BRWD1: variants seen among roughly 807,000 people sequenced by gnomAD.
BRWD1 encodes bromodomain and WD repeat domain containing 1, also known as bromodomain and WD repeat-containing protein 1.
BRWD1 carries 82 observed loss-of-function variants against 251.2 expected under a neutral mutation model. The observed-to-expected ratio is 0.33, with a 90% CI of 0.27 to 0.39. BRWD1 has a LOEUF of 0.39. Among genes scored for constraint, BRWD1 ranks in the 10% least tolerant of loss-of-function variants. The pLI, the probability that BRWD1 is intolerant of heterozygous loss-of-function variation, is 1.00. For synonymous variants in BRWD1, 918 were observed against 902.8 expected (o/e 1.02, Z -0.30); for missense variants, 2,233 against 2,711.6 (o/e 0.82, Z 3.92).
chr21:39,193,491 T>C lies in BRWD1; in HGVS notation c.*2768A>G. 1.0e-6 allele frequency: 1 copy of C among 985,304 alleles called. No individual in the cohort carries two copies. Among genetic ancestry groups the C allele is most frequent in the Non-Finnish European group, 1.2e-6 (1 of 829,698 alleles). 61.0% of individuals were successfully genotyped at this position (985,304 alleles called of 1,614,324 possible). A position where few individuals can be genotyped will look rare whatever the true frequency, so the allele number is the denominator to read the frequency against. On this transcript the variant is annotated 3_prime_UTR_variant, in exon 41 of 41. Coordinates refer to ENST00000342449, the MANE Select transcript of BRWD1 (RefSeq NM_033656.4). ...TGTTTGAAATCATTTTTCCTTTATA[T>C]GCTTGGTAAAGTGAGTCTTTCCAAG...
At chr21:39,251,982 T>C (rs1243060539) in intron 19 of BRWD1, among the ~76,000 whole-genome samples, 2 of 152,110 alleles carry the variant, frequency 1.3e-5, no homozygotes, top group African/African-American at 4.8e-5. Context: ...AGAATTTTTA[T>C]ACGGCCGGGC....
At chr21:39,247,667 ATTATC>A (rs749387330) in intron 21 of BRWD1, 29 bp downstream of exon 21, 40 of 1,569,472 alleles carry the variant, frequency 2.5e-5, no homozygotes, top group South Asian at 3.6e-5. Context: ...TTCATTTAAG[ATTATC>A]TTATAACATT....
intron 4 of BRWD1, among the ~76,000 whole-genome samples, chr21:39,311,325 A>G (rs1325833143): frequency 6.6e-6 from 1 of 151,900 alleles, no homozygotes; most frequent in Non-Finnish European, 1.5e-5. Flanking sequence ...GCACCACCAC[A>G]GCCGCCTAAT....
At chr21:39,296,898 T>G (rs753146258) in intron 5 of BRWD1, 189 of 984,010 alleles carry the variant, frequency 1.9e-4, no homozygotes, top group Non-Finnish European at 2.2e-4. Flanking sequence ...AAAAGTTCTT[T>G]GATTTATATG....
At chr21:39,232,910 A>G (rs1008185289) in intron 23 of BRWD1, among the ~76,000 whole-genome samples, 1 of 152,138 alleles carries the variant, frequency 6.6e-6, no homozygotes, top group Admixed American at 6.5e-5. Context: ...ATATGCCTAC[A>G]AATTCCCCAA....
chr21:39,291,750 A>G (rs780343876), intron 8 of BRWD1, among the ~76,000 whole-genome samples: 2 of 152,128 alleles, frequency 1.3e-5, no homozygotes, highest in Middle Eastern at 3.2e-3. Context: ...ATCACGTGAC[A>G]TATGTGTCAG....
chr21:39,269,713 C>CT (rs1273292571), intron 15 of BRWD1, among the ~76,000 whole-genome samples, 186 bp downstream of exon 15: 29 of 152,222 alleles, frequency 1.9e-4, no homozygotes, highest in African/African-American at 6.7e-4. Context: ...ATAAATCAGT[C>CT]ATACAGAGAA....
chr21:39,232,280 A>G lies in BRWD1; in HGVS notation c.2897T>C (p.Ile966Thr). The G allele has an allele frequency of 6.2e-7, 1 of 1,610,342 alleles. No homozygotes were observed. Among genetic ancestry groups the G allele is most frequent in the Non-Finnish European group, 8.5e-7 (1 of 1,178,518 alleles). ...PFVPQMGDEV[I>T]YFRQGHEAYI... ...AGCTTCATGACCCTGTCGAAAATAT[A>G]TTACCTACAAAAGGGAAATATGCAT... The change falls in exon 25 of 41, where the codon ATA becomes ACA. Residue 966 changes from isoleucine (I) to threonine (T), a missense_variant. Ile to Thr is a moderately conservative substitution (Grantham distance 89). Coordinates refer to ENST00000342449, the MANE Select transcript of BRWD1 (RefSeq NM_033656.4).
intron 4 of BRWD1, 142 bp downstream of exon 4, chr21:39,312,699 C>A: frequency 2.1e-6 from 1 of 468,146 alleles, no homozygotes; most frequent in Non-Finnish European, 3.8e-6. Context: ...AAATCTTCAG[C>A]CGGGAACGCA....
In BRWD1 at chr21:39,277,128, CAGTT is replaced by C. The variant is rs1454449992; in HGVS notation, c.1104+119_1104+122del. The C allele has an allele frequency of 9.4e-6, 5 of 532,544 alleles. No homozygotes were observed. The East Asian group carries it at 1.7e-4, about 18-fold the overall frequency. 33.0% of individuals were successfully genotyped at this position (532,544 alleles called of 1,614,324 possible). A position where few individuals can be genotyped will look rare whatever the true frequency, so the allele number is the denominator to read the frequency against. ...AATACCATCAAAAAGTTATAAATGA[CAGTT>C]CATTTGTTCAACAGAAAAAAAATTA... On this transcript the variant is annotated intron_variant, in intron 11 of 40. Transcript: ENST00000342449.
chr21:39,283,010 T>G (rs2035522301), intron 8 of BRWD1, among the ~76,000 whole-genome samples: 1 of 151,554 alleles, frequency 6.6e-6, no homozygotes, highest in South Asian at 2.1e-4. Context: ...TGAAAGAATA[T>G]GTTTAAGTCA....
At chr21:39,298,050 G>A in intron 5 of BRWD1, 1 of 987,766 alleles carries the variant, frequency 1.0e-6, no homozygotes, top group Non-Finnish European at 1.2e-6. Context: ...AGGGCTTTCA[G>A]AAGCTAAATA....
At chr21:39,237,119 A>G (rs535291595) in intron 22 of BRWD1, among the ~76,000 whole-genome samples, 23 of 152,308 alleles carry the variant, frequency 1.5e-4, no homozygotes, top group Admixed American at 1.5e-3. Flanking sequence ...ACTTATAGAA[A>G]CATAAGAATC....
At chr21:39,292,787 T>C (rs2035853549) in intron 8 of BRWD1, among the ~76,000 whole-genome samples, 1 of 152,176 alleles carries the variant, frequency 6.6e-6, no homozygotes, top group East Asian at 1.9e-4. Context: ...AAATTTATAT[T>C]TTAAGTTTCT....
At chr21:39,302,428 A>G (rs1458159797) in intron 4 of BRWD1, among the ~76,000 whole-genome samples, 1 of 147,916 alleles carries the variant, frequency 6.8e-6, no homozygotes, top group Non-Finnish European at 1.5e-5. Flanking sequence ...TGACTTTAAA[A>G]CAACAGTAAC....
chr21:39,243,125 G>GT (rs761982899), intron 21 of BRWD1, among the ~76,000 whole-genome samples: 8 of 152,260 alleles, frequency 5.3e-5, no homozygotes, highest in South Asian at 2.1e-4. Flanking sequence ...ATCAAAGCAC[G>GT]TATCACCAGT....
rs1393923188 is a variant in BRWD1 at position 39,191,419 on chromosome 21, C to CT, written c.*4839dup. 5.1e-6 allele frequency: 5 copies of CT among 985,090 alleles called. No individual in the cohort carries two copies. The highest frequency in any genetic ancestry group is 6.0e-6 in the Non-Finnish European group (5 of 829,770). The allele number at this position is 985,090 out of a possible 1,614,324, so 61.0% of individuals were successfully genotyped here. On this transcript the variant is annotated 3_prime_UTR_variant, in exon 41 of 41. Transcript: ENST00000342449. ...TAGTGTTTTGTTTTGTTTTTTAACT[C>CT]TTTTGCTTGTTAAGATGAAAATGCT... is the stretch of plus-strand genomic sequence containing the variant.
At chr21:39,306,905 G>C (rs111786284) in intron 4 of BRWD1, among the ~76,000 whole-genome samples, 1 of 152,310 alleles carries the variant, frequency 6.6e-6, no homozygotes. Context: ...CTAGGCCGGA[G>C]TGCAATGGCT....
At chr21:39,319,362 G>A (rs1444928414) in intron 1 of BRWD1, among the ~76,000 whole-genome samples, 4 of 152,108 alleles carry the variant, frequency 2.6e-5, no homozygotes, top group Admixed American at 1.3e-4. Flanking sequence ...GCTTGCAGGC[G>A]CTGGCCCATG....
Sources: allele counts gnomAD v4.1 joint callset (sites outside exome capture counted in the v4.1 genomes callset), GRCh38; gene constraint gnomAD v4.1.1; transcripts MANE v1.5; gene names NCBI Gene and HGNC (gene_info 2026-07-23, HGNC 2026-07-21).